The following TRAK1 variants were observed in gnomAD, a reference collection of about 807,000 sequenced individuals.
The protein encoded by TRAK1 is trafficking kinesin-binding protein 1.
In TRAK1, 33 loss-of-function variants were observed where a neutral mutation model predicts 92.1. That is an observed-to-expected ratio of 0.36 (90% CI 0.27 to 0.48). The LOEUF is 0.48. Ranked by LOEUF, TRAK1 falls within the 20% of genes least tolerant of loss-of-function variation. The pLI is 0.99. For synonymous variants in TRAK1, 521 were observed against 517.3 expected, an observed-to-expected ratio of 1.01 and a Z score of -0.10; for missense variants, 1,123 against 1,257.9, an observed-to-expected ratio of 0.89 and a Z score of 1.62.
intron 1 of TRAK1, among the ~76,000 whole-genome samples, chr3:42,076,171 T>C (rs561063035): frequency 6.6e-4 from 100 of 151,328 alleles, no homozygotes; most frequent in African/African-American, 2.0e-3. Context: ...CGTTTTTGTT[T>C]CTTGTAAATT....
chr3:42,138,795 A>G (rs964116165), intron 2 of TRAK1, among the ~76,000 whole-genome samples: 1 of 151,750 alleles, frequency 6.6e-6, no homozygotes, highest in Non-Finnish European at 1.5e-5. Flanking sequence ...AATAAATAGC[A>G]CACAGTGCTG....
chr3:42,211,266 G>A, intron 14 of TRAK1: 1 of 985,120 alleles, frequency 1.0e-6, no homozygotes, highest in Non-Finnish European at 1.2e-6. Flanking sequence ...TGTGGTCAAG[G>A]GATTTTACTT....
At chr3:42,092,361 GT>G (rs773292890) in intron 1 of TRAK1, among the ~76,000 whole-genome samples, 3 of 152,186 alleles carry the variant, frequency 2.0e-5, no homozygotes, top group Non-Finnish European at 4.4e-5. Context: ...ATTCCAGTCA[GT>G]TTTAGGCTTT....
At chr3:42,201,904 A>G (rs911539716) in intron 12 of TRAK1, among the ~76,000 whole-genome samples, 1 of 151,406 alleles carries the variant, frequency 6.6e-6, no homozygotes, top group African/African-American at 2.4e-5. Flanking sequence ...ACACACACAC[A>G]CACACACACA....
chr3:42,203,560 C>T lies in TRAK1; in HGVS notation c.1744+808C>T, dbSNP rs1257772100. 15 of 981,458 alleles carry T rather than the reference C, an allele frequency of 1.5e-5. No homozygotes were observed. The Admixed American group carries it at 5.1e-4, about 33-fold the overall frequency. 60.8% of individuals were successfully genotyped at this position (981,458 alleles called of 1,614,324 possible). ...TGTTTTCCCTCTACCTGCTGCTACT[C>T]TGCCAAGAGCCACCAAGTGCTTATA... On this transcript the variant is annotated intron_variant, in intron 13 of 15. Transcript: ENST00000327628.
rs1290754371 is a variant in TRAK1, at chr3:42,202,529, G to A, written c.1521G>A (p.Glu507=). The A allele has an allele frequency of 6.4e-7, 1 of 1,554,122 alleles. No homozygotes were observed. ...TGAGGCGGCTGTCCCTGCGCCGGGA[G>A]AACTACCTCTCGGAGAGGAGGTTCT... ...TALRRLSLRR[E]NYLSERRFFE... Residue 507 remains glutamate, a synonymous_variant, in exon 13 of 16, where the codon GAG becomes GAA. Coordinates refer to ENST00000327628, the MANE Select transcript of TRAK1 (RefSeq NM_001042646.3). This position sits in a 1 kb window ranked among gnomAD's most constrained non-coding sequence, Gnocchi z 6.1.
chr3:42,171,084 G>A (rs867066857), intron 2 of TRAK1, among the ~76,000 whole-genome samples: 14 of 151,972 alleles, frequency 9.2e-5, no homozygotes, highest in African/African-American at 2.9e-4. Context: ...CAAAGTGCTG[G>A]GATTACAGGC....
chr3:42,014,028 G>GCCGGGCCCGGGC (rs572967787), exon 1 of TRAK1: 4 of 150,810 alleles, frequency 2.7e-5, no homozygotes, highest in Non-Finnish European at 1.5e-5. Flanking sequence ...GGCGGCCGGG[G>GCCGGGCCCGGGC]CCGGGCCGAG....
At chr3:42,159,917 C>T (rs1223136817) in intron 2 of TRAK1, among the ~76,000 whole-genome samples, 1 of 152,214 alleles carries the variant, frequency 6.6e-6, no homozygotes, top group African/African-American at 2.4e-5. Flanking sequence ...TGTGCCTGCT[C>T]AAGGCTTAGT....
At chr3:42,084,783 C>T (rs1006076037), upstream of TRAK1, among the ~76,000 whole-genome samples, 8 of 150,680 alleles carry the variant, frequency 5.3e-5, no homozygotes, top group African/African-American at 1.7e-4. Context: ...ACTGACTAGG[C>T]GTGACAATCC....
At chr3:42,150,770 C>T (rs1699865726) in intron 2 of TRAK1, among the ~76,000 whole-genome samples, 1 of 152,212 alleles carries the variant, frequency 6.6e-6, no homozygotes, top group Non-Finnish European at 1.5e-5. Context: ...CCAGTTCAAT[C>T]TCACTGGCCC....
At chr3:42,201,883 G>GACAC (rs56336064) in intron 12 of TRAK1, among the ~76,000 whole-genome samples, 8,196 of 125,036 alleles carry the variant, frequency 0.066, 286 homozygotes, top group East Asian at 0.093. Flanking sequence ...CGGACAGACG[G>GACAC]ACACACACAC....
At chr3:42,141,219 T>C (rs2149218012) in intron 2 of TRAK1, among the ~76,000 whole-genome samples, 1 of 152,358 alleles carries the variant, frequency 6.6e-6, no homozygotes, top group East Asian at 1.9e-4. Flanking sequence ...TAAATTCTTT[T>C]AAACATTTAA....
chr3:42,063,026 G>A (rs1489752561), intron 1 of TRAK1, among the ~76,000 whole-genome samples: 1 of 152,210 alleles, frequency 6.6e-6, no homozygotes, highest in Non-Finnish European at 1.5e-5. Context: ...AGGTCACACT[G>A]GTAGTGAGTA....
chr3:42,066,926 C>T (rs1703707557), intron 1 of TRAK1, among the ~76,000 whole-genome samples: 1 of 152,176 alleles, frequency 6.6e-6, no homozygotes, highest in South Asian at 2.1e-4. Context: ...GGTCCTTGAC[C>T]TCACTGTTTC....
intron 1 of TRAK1, among the ~76,000 whole-genome samples, chr3:42,043,731 G>C (rs1024140958): frequency 1.3e-5 from 2 of 151,946 alleles, no homozygotes; most frequent in African/African-American, 4.8e-5. Flanking sequence ...TGGTATTTCC[G>C]GTTCTCCCAG....
At chr3:42,056,581 G>A (rs1703214086) in intron 1 of TRAK1, among the ~76,000 whole-genome samples, 1 of 152,092 alleles carries the variant, frequency 6.6e-6, no homozygotes, top group Admixed American at 6.5e-5. Flanking sequence ...AAAGTTATTA[G>A]CTGATTATTA....
chr3:42,221,182 T>C (rs1201946232), intron 15 of TRAK1, among the ~76,000 whole-genome samples: 1 of 149,584 alleles, frequency 6.7e-6, no homozygotes, highest in Non-Finnish European at 1.5e-5. Flanking sequence ...TCCCTAGGGA[T>C]GGCCACATCA....
chr3:42,016,010 CAGGGCGACAGAGCAAG>C (rs1701509490), intron 1 of TRAK1, among the ~76,000 whole-genome samples: 1 of 152,082 alleles, frequency 6.6e-6, no homozygotes, highest in Admixed American at 6.6e-5. Context: ...GCACTTCAGC[CAGGGCGACAGAGCAAG>C]ACCCCATCTC....
Sources: gnomAD v4.1 joint callset for allele counts (sites outside exome capture counted in the v4.1 genomes callset) on GRCh38, gnomAD v4.1.1 for gene constraint, Gnocchi (gnomAD v3.1) non-coding constraint, MANE v1.5 for transcripts, NCBI Gene and HGNC (gene_info 2026-07-23, HGNC 2026-07-21) for gene names.